The following DCTN2 variants were observed in gnomAD, a reference collection of about 807,000 sequenced individuals.
DCTN2 encodes the protein dynactin subunit 2.
A neutral mutation model predicts 55.4 loss-of-function variants in DCTN2; 18 were observed. The observed-to-expected ratio is 0.32, with a 90% CI of 0.22 to 0.48. The LOEUF (loss-of-function observed/expected upper bound fraction) is 0.48, where lower values mean the gene tolerates loss of function less well. Ranked by LOEUF, DCTN2 falls within the 20% of genes least tolerant of loss-of-function variation. DCTN2 has a pLI of 0.99. For missense variants in DCTN2, 390 were observed against 491.0 expected (o/e 0.79, Z 1.94); for synonymous variants, 168 against 185.2 (o/e 0.91, Z 0.76).
chr12:57,536,121 AT>A, intron 2 of DCTN2: 1 of 420,972 alleles, frequency 2.4e-6, no homozygotes. Flanking sequence ...AAGCCTTCCC[AT>A]CCCCCCATGC....
At chr12:57,531,859 A>G (rs1160642576) in intron 13 of DCTN2, among the ~76,000 whole-genome samples, 156 bp downstream of exon 13, 1 of 152,240 alleles carries the variant, frequency 6.6e-6, no homozygotes, top group Non-Finnish European at 1.5e-5. Flanking sequence ...TAAGTTGTCA[A>G]AGGGCCTTCA....
At chr12:57,544,073 A>G in intron 2 of DCTN2, 1 of 434,420 alleles carries the variant, frequency 2.3e-6, no homozygotes, top group East Asian at 7.0e-5. Context: ...TTTGTATCAC[A>G]GCGACAAAAG....
intron 2 of DCTN2, among the ~76,000 whole-genome samples, chr12:57,542,132 C>T (rs914545815): frequency 4.6e-5 from 7 of 151,912 alleles, no homozygotes; most frequent in African/African-American, 1.2e-4. Flanking sequence ...AAAAATTAGC[C>T]GGGTGTGGTG....
chr12:57,536,080 G>T (rs1880209311), intron 2 of DCTN2: 4 of 550,694 alleles, frequency 7.3e-6, no homozygotes, highest in Non-Finnish European at 1.3e-5. Context: ...GGGAGCAGAG[G>T]GAGCATAACC....
rs1158206600 is a variant in DCTN2 at position 57,532,063 on chromosome 12, C to T, written c.1071G>A (p.Gln357=). The change falls in exon 13 of 14, where the codon CAG becomes CAA. Residue 357 remains glutamine (Q), a synonymous_variant. Coordinates refer to ENST00000548249, the MANE Select transcript of DCTN2 (RefSeq NM_001261413.2). ...GQLLTHLDTT[Q]QMIANSLKDN... is the part of the protein sequence containing the mutation. ...CCTTCAAGGAATTAGCAATCATCTGCTGGGTGGTATCCAAGTGTGTCAGGA... is the reference window on the plus strand; with the variant it reads ...CCTTCAAGGAATTAGCAATCATCTGTTGGGTGGTATCCAAGTGTGTCAGGA... The T allele has an allele frequency of 6.4e-7, 1 of 1,566,372 alleles. No homozygotes were observed. The highest frequency in any genetic ancestry group is 8.7e-7 in the Non-Finnish European group (1 of 1,154,702).
Position 57,534,331 on chromosome 12 carries a change from G to T in DCTN2, c.485C>A (p.Ala162Asp). Reference sequence around the variant, plus strand: ...ATCGGGGTCGGTAAGGTTGATTGCAGCATCTGGTCCCAGCAGCTTCTCCAG... The same window carrying T: ...ATCGGGGTCGGTAAGGTTGATTGCATCATCTGGTCCCAGCAGCTTCTCCAG... ...SHLEKLLGPD[A>D]AINLTDPDGA... The change falls in exon 6 of 14, where the codon GCT becomes GAT. Residue 162 changes from alanine (A) to aspartate (D), a missense_variant. Around this residue, in one of 2 missense-constraint regions of DCTN2, gnomAD observed 273 missense variants for 303.2 expected, o/e 0.90. Transcript: ENST00000548249. 6.2e-7 allele frequency: 1 copy of T among 1,607,938 alleles called. No homozygotes were observed. Among genetic ancestry groups the T allele is most frequent in the Non-Finnish European group, 8.5e-7 (1 of 1,175,960 alleles).
chr12:57,531,411 A>G (rs905979348), intron 13 of DCTN2, among the ~76,000 whole-genome samples: 21 of 152,110 alleles, frequency 1.4e-4, no homozygotes, highest in African/African-American at 4.8e-4. Context: ...CAGCTACTCA[A>G]TAGGCTGAGG....
intron 2 of DCTN2, among the ~76,000 whole-genome samples, chr12:57,542,459 G>A (rs907856380): frequency 6.6e-6 from 1 of 152,190 alleles, no homozygotes; most frequent in Non-Finnish European, 1.5e-5. Flanking sequence ...CACAGTGGAG[G>A]AATCACAGGA....
chr12:57,531,902 C>A lies in DCTN2; in HGVS notation c.1119+113G>T, dbSNP rs111685414. On this transcript the variant is annotated intron_variant, in intron 13 of 13. Coordinates refer to ENST00000548249, the MANE Select transcript of DCTN2 (RefSeq NM_001261413.2). ...AGCAGGATGGAGACTCCAGACCAAC[C>A]CCCTGCCACAACACCATGCTACAAA... 9,177 of 1,469,334 alleles carry A rather than the reference C, an allele frequency of 6.2e-3. 112 individuals are homozygous for A. Among genetic ancestry groups the A allele is most frequent in the South Asian group, 0.034 (2,661 of 77,374 alleles). 91.0% of individuals were successfully genotyped at this position (1,469,334 alleles called of 1,614,324 possible).
At chr12:57,538,303 A>G in intron 2 of DCTN2, 1 of 630,382 alleles carries the variant, frequency 1.6e-6, no homozygotes, top group Non-Finnish European at 3.0e-6. Context: ...CCGGGAGCAC[A>G]CTCTAGTCCT....
chr12:57,546,479 T>C (rs1056799576), intron 1 of DCTN2, among the ~76,000 whole-genome samples: 1 of 152,084 alleles, frequency 6.6e-6, no homozygotes, highest in African/African-American at 2.4e-5. Context: ...CTCAAGGTCC[T>C]GTGTCCCAAC....
At chr12:57,541,520 A>C in intron 2 of DCTN2, 2 of 759,054 alleles carry the variant, frequency 2.6e-6, no homozygotes, top group Non-Finnish European at 4.2e-6. Context: ...TTCTCATCTC[A>C]GGAGTGTCCA....
chr12:57,544,272 T>G (rs1880954369), intron 2 of DCTN2: 5 of 347,468 alleles, frequency 1.4e-5, no homozygotes, highest in Non-Finnish European at 2.9e-5. Flanking sequence ...TAAATTGGCA[T>G]AGTAACTGCA....
Position 57,535,565 on chromosome 12 carries a change from G to A in DCTN2, c.203-20C>T, listed in dbSNP as rs1565679498. The A allele has an allele frequency of 3.1e-6, 5 of 1,613,848 alleles. No homozygotes were observed. The highest frequency in any genetic ancestry group is 4.2e-6 in the Non-Finnish European group (5 of 1,179,750). On this transcript the variant is annotated intron_variant, in intron 3 of 13. Transcript: ENST00000548249. Reference sequence around the variant, plus strand: ...AGAAATCTGCCAAGAAAAGAAGATGGAACTGAGGGCCTGATCTAGGCCCAA... The same window carrying A: ...AGAAATCTGCCAAGAAAAGAAGATGAAACTGAGGGCCTGATCTAGGCCCAA...
intron 2 of DCTN2, chr12:57,544,116 G>C (rs1880936859): frequency 2.2e-6 from 1 of 452,570 alleles, no homozygotes. Flanking sequence ...CACCATGAAG[G>C]GCAGAAGCCT....
At chr12:57,535,397 G>T in intron 4 of DCTN2, 87 bp downstream of exon 4, 1 of 1,513,966 alleles carries the variant, frequency 6.6e-7, no homozygotes, top group Non-Finnish European at 9.1e-7. Context: ...ACAGAATCCC[G>T]CCTGTATCCC....
chr12:57,535,371 C>G, intron 4 of DCTN2, 113 bp downstream of exon 4: 1 of 1,392,568 alleles, frequency 7.2e-7, no homozygotes, highest in Non-Finnish European at 1.0e-6. Context: ...GCTGCTTCCT[C>G]AGGAACAGAG....
chr12:57,543,622 A>T (rs1594894687), intron 2 of DCTN2, among the ~76,000 whole-genome samples: 3 of 152,326 alleles, frequency 2.0e-5, no homozygotes, highest in South Asian at 4.1e-4. Flanking sequence ...CCATAGGGAC[A>T]TGCGGGGGCC....
At chr12:57,546,554 TG>T (rs1881176491) in intron 1 of DCTN2, among the ~76,000 whole-genome samples, 1 of 150,742 alleles carries the variant, frequency 6.6e-6, no homozygotes, top group African/African-American at 2.4e-5. Flanking sequence ...GTCATGGGAG[TG>T]GGGGCTGGGG....
Sources: allele counts gnomAD v4.1 joint callset (sites outside exome capture counted in the v4.1 genomes callset), GRCh38; gene constraint gnomAD v4.1.1; regional missense constraint gnomAD v4.1.1; transcripts MANE v1.5; gene names NCBI Gene and HGNC (gene_info 2026-07-23, HGNC 2026-07-21).